Variants in PIK3C2G observed in about 807,000 individuals in gnomAD.
PIK3C2G encodes the protein phosphatidylinositol-4-phosphate 3-kinase catalytic subunit type 2 gamma.
PIK3C2G carries 168 observed loss-of-function variants against 181.1 expected under a neutral mutation model. That is an observed-to-expected ratio of 0.93 (90% CI 0.82 to 1.05). PIK3C2G has a LOEUF of 1.05. PIK3C2G is among the 50% of genes least tolerant of loss of function. The pLI, the probability that PIK3C2G is intolerant of heterozygous loss-of-function variation, is 0.00. For missense variants in PIK3C2G, 1,869 were observed against 1,732.8 expected (o/e 1.08, Z -1.40); for synonymous variants, 573 against 592.2 (o/e 0.97, Z 0.47).
chr12:18,288,065 G>A (rs1949530846), intron 3 of PIK3C2G, among the ~76,000 whole-genome samples: 1 of 152,110 alleles, frequency 6.6e-6, no homozygotes, highest in African/African-American at 2.4e-5. Flanking sequence ...GGGAGGCTGA[G>A]GCAGGAGAAT....
intron 10 of PIK3C2G, among the ~76,000 whole-genome samples, chr12:18,344,906 T>G (rs1939517231): frequency 6.6e-6 from 1 of 152,166 alleles, no homozygotes; most frequent in Non-Finnish European, 1.5e-5. Context: ...TAAAACATAA[T>G]GCATAAGCAT....
At chr12:18,288,461 T>G (rs1457400869) in intron 3 of PIK3C2G, among the ~76,000 whole-genome samples, 2 of 152,140 alleles carry the variant, frequency 1.3e-5, no homozygotes, top group Non-Finnish European at 2.9e-5. Context: ...ATTGAAAGGC[T>G]TACACACAAA....
chr12:18,706,416 T>G, the PIK3C2G span, among the ~76,000 whole-genome samples: 17 of 152,262 alleles, frequency 1.1e-4, no homozygotes, highest in East Asian at 3.1e-3. Context: ...ACTGATGAGT[T>G]GGGGGAAATG....
At chr12:18,285,962 G>A (rs1490529094) in intron 2 of PIK3C2G, among the ~76,000 whole-genome samples, 3 of 151,720 alleles carry the variant, frequency 2.0e-5, no homozygotes, top group Non-Finnish European at 4.4e-5. Flanking sequence ...AGAAACAAAG[G>A]CAGAGATAGA....
chr12:18,487,073 C>T (rs1054785892), intron 18 of PIK3C2G, among the ~76,000 whole-genome samples: 9 of 147,762 alleles, frequency 6.1e-5, no homozygotes, highest in Admixed American at 3.4e-4. Flanking sequence ...ACCAGTGATA[C>T]ATCTTTAGTC....
At chr12:18,698,283 T>TTCTATTCTATTCTAC in the PIK3C2G span, among the ~76,000 whole-genome samples, 8 of 151,684 alleles carry the variant, frequency 5.3e-5, no homozygotes, top group East Asian at 1.9e-4. Context: ...TTCTATTCTA[T>TTCTATTCTATTCTAC]TCTACTCCAT....
At chr12:18,710,386 G>A in the PIK3C2G span, among the ~76,000 whole-genome samples, 3 of 151,872 alleles carry the variant, frequency 2.0e-5, no homozygotes, top group African/African-American at 7.3e-5. Flanking sequence ...GTCTGAAAAG[G>A]ACTAAGGAGG....
At chr12:18,384,670 A>C (rs1290186462) in intron 14 of PIK3C2G, among the ~76,000 whole-genome samples, 1 of 152,188 alleles carries the variant, frequency 6.6e-6, no homozygotes, top group Non-Finnish European at 1.5e-5. Flanking sequence ...TTCCTTTATC[A>C]ACATAGATTT....
chr12:18,612,636 A>C (rs1045580878), intron 31 of PIK3C2G, among the ~76,000 whole-genome samples: 2 of 152,130 alleles, frequency 1.3e-5, no homozygotes, highest in Non-Finnish European at 2.9e-5. Context: ...AATGACATAA[A>C]AATCCATCTA....
intron 29 of PIK3C2G, among the ~76,000 whole-genome samples, chr12:18,590,631 A>G (rs1947030149): frequency 6.6e-6 from 1 of 151,946 alleles, no homozygotes; most frequent in Non-Finnish European, 1.5e-5. Context: ...ATAAATCTTC[A>G]GACTATCTAT....
chr12:18,258,104 G>C (rs546447758), upstream of PIK3C2G, among the ~76,000 whole-genome samples: 2 of 152,166 alleles, frequency 1.3e-5, no homozygotes, highest in South Asian at 2.1e-4. Context: ...CACCACAGAA[G>C]AGCATATATT....
chr12:18,487,096 T>TGTGTGTGTG (rs1940115531), intron 18 of PIK3C2G, among the ~76,000 whole-genome samples: 2 of 142,106 alleles, frequency 1.4e-5, no homozygotes, highest in Non-Finnish European at 1.5e-5. Context: ...TTGAGGTATT[T>TGTGTGTGTG]TGTGTGTGTG....
intron 23 of PIK3C2G, 112 bp from the exon 24 acceptor site, chr12:18,505,180 T>G (rs2136119517): frequency 1.2e-6 from 1 of 869,296 alleles, no homozygotes; most frequent in Admixed American, 2.9e-5. Flanking sequence ...GTAGAAATTT[T>G]TCCTGATTAT....
the PIK3C2G span, chr12:18,683,776 C>T: frequency 0.028 from 15,201 of 546,082 alleles, 315 homozygotes; most frequent in Non-Finnish European, 0.039. Flanking sequence ...CTCTTCTCCT[C>T]AGGCAGGAAG....
At chr12:18,406,648 GAGAT>G (rs1432823481) in intron 16 of PIK3C2G, among the ~76,000 whole-genome samples, 6 of 152,158 alleles carry the variant, frequency 3.9e-5, no homozygotes, top group African/African-American at 7.2e-5. Flanking sequence ...GATCAGAAAA[GAGAT>G]AGATAGGTGA....
chr12:18,254,752 C>T (rs939961508), intron 1 of PIK3C2G, among the ~76,000 whole-genome samples: 5 of 151,542 alleles, frequency 3.3e-5, no homozygotes, highest in African/African-American at 4.9e-5. Flanking sequence ...CTCGGGAGGC[C>T]GAGGCAAGAG....
intron 31 of PIK3C2G, among the ~76,000 whole-genome samples, chr12:18,612,166 G>A (rs1948372556): frequency 6.6e-6 from 1 of 151,980 alleles, no homozygotes; most frequent in Admixed American, 6.6e-5. Flanking sequence ...GAATATGGCA[G>A]GCATGTTGCT....
chr12:18,611,036 C>G (rs1225745205), intron 31 of PIK3C2G, among the ~76,000 whole-genome samples: 2 of 152,018 alleles, frequency 1.3e-5, no homozygotes, highest in Admixed American at 6.6e-5. Flanking sequence ...GTGATATTAA[C>G]CAACCTAGTC....
intron 12 of PIK3C2G, among the ~76,000 whole-genome samples, chr12:18,364,459 T>C (rs1370222056): frequency 3.3e-5 from 5 of 152,240 alleles, no homozygotes; most frequent in Non-Finnish European, 1.5e-5. Context: ...TTTGTTTAGA[T>C]TTCTGTATGC....
Sources: gnomAD v4.1 joint callset for allele counts (sites outside exome capture counted in the v4.1 genomes callset) on GRCh38, gnomAD v4.1.1 for gene constraint, MANE v1.5 for transcripts, NCBI Gene and HGNC (gene_info 2026-07-23, HGNC 2026-07-21) for gene names.